The following TYR variants were observed in gnomAD, a reference collection of about 807,000 sequenced individuals.
The protein encoded by TYR is LB24-AB.
Under a neutral mutation model 51.5 loss-of-function variants are expected in TYR, and 58 were observed. The observed-to-expected ratio is 1.13, with a 90% CI of 0.91 to 1.40. TYR has a LOEUF of 1.40. Ranked by LOEUF, TYR falls within the 40% of genes most tolerant of loss-of-function variation. The pLI is 0.00. For missense variants in TYR, 732 were observed against 647.4 expected, an observed-to-expected ratio of 1.13 and a Z score of -1.42; for synonymous variants, 263 against 235.2, an observed-to-expected ratio of 1.12 and a Z score of -1.08.
intron 4 of TYR, among the ~76,000 whole-genome samples, chr11:89,290,540 AT>A (rs1944842799): frequency 6.6e-6 from 1 of 152,086 alleles, no homozygotes; most frequent in African/African-American, 2.4e-5. Flanking sequence ...TAAGCTAAGT[AT>A]TGTAGTCCCA....
chr11:89,194,841 T>G (rs952639046), intron 2 of TYR, among the ~76,000 whole-genome samples: 1 of 152,184 alleles, frequency 6.6e-6, no homozygotes, highest in Non-Finnish European at 1.5e-5. Flanking sequence ...ATATACACAT[T>G]TTTTAAAACA....
intron 3 of TYR, among the ~76,000 whole-genome samples, chr11:89,259,225 C>T (rs1399244748): frequency 6.6e-6 from 1 of 152,086 alleles, no homozygotes; most frequent in Non-Finnish European, 1.5e-5. Context: ...TAGCACTCTC[C>T]TAATCTCTTT....
rs761093249 is a variant in TYR, at chr11:89,177,981, C to T, written c.28C>T (p.Leu10=). The change falls in exon 1 of 5, where the codon CTG becomes TTG. Residue 10 remains leucine, a synonymous_variant. Transcript: ENST00000263321. MLLAVLYCL[L]WSFQTSAGHF... ...GCTCCTGGCTGTTTTGTACTGCCTG[C>T]TGTGGAGTTTCCAGACCTCCGCTGG... 6.2e-7 allele frequency: 1 copy of T among 1,614,174 alleles called. No individual in the cohort carries two copies. Among genetic ancestry groups the T allele is most frequent in the South Asian group, 1.1e-5 (1 of 91,090 alleles).
chr11:89,198,073 G>C (rs1009678623), intron 2 of TYR, among the ~76,000 whole-genome samples: 2 of 152,062 alleles, frequency 1.3e-5, no homozygotes, highest in Admixed American at 6.6e-5. Context: ...AACAAGGGAA[G>C]TTTTGAAATT....
At chr11:89,191,825 T>G (rs1203060028) in intron 2 of TYR, among the ~76,000 whole-genome samples, 4 of 152,266 alleles carry the variant, frequency 2.6e-5, no homozygotes, top group African/African-American at 9.6e-5. Context: ...ATGAATATAT[T>G]CATCATGGTA....
At chr11:89,227,327 T>C (rs773608499) in intron 2 of TYR, among the ~76,000 whole-genome samples, 2 of 152,270 alleles carry the variant, frequency 1.3e-5, no homozygotes, top group African/African-American at 4.8e-5. Context: ...ATGAAAGATG[T>C]TCCTGTGAAA....
At chr11:89,214,982 G>T (rs1943813492) in intron 2 of TYR, among the ~76,000 whole-genome samples, 1 of 151,994 alleles carries the variant, frequency 6.6e-6, no homozygotes, top group Non-Finnish European at 1.5e-5. Flanking sequence ...GCCATCTAAA[G>T]TTACAGCTTT....
At chr11:89,243,170 G>A (rs1944222298) in intron 3 of TYR, among the ~76,000 whole-genome samples, 1 of 152,084 alleles carries the variant, frequency 6.6e-6, no homozygotes, top group Non-Finnish European at 1.5e-5. Flanking sequence ...TGCTTTATTG[G>A]GGTTTAGAGG....
intron 3 of TYR, among the ~76,000 whole-genome samples, chr11:89,262,164 T>G (rs1944464041): frequency 6.6e-6 from 1 of 152,074 alleles, no homozygotes; most frequent in Admixed American, 6.6e-5. Context: ...GTTCAAGTGA[T>G]TCTCCTGCCT....
chr11:89,233,627 A>G lies in TYR; in HGVS notation c.1184+5657A>G, dbSNP rs1200663832. ...CTCTGATCCATGGGCTGCAACATAG[A>G]TACGTGTTAGCAGGCATGAAAACAG... On this transcript the variant is annotated intron_variant, in intron 3 of 4. Coordinates refer to ENST00000263321, the MANE Select transcript of TYR (RefSeq NM_000372.5). Among the ~76,000 whole-genome samples the G allele has an allele frequency of 4.9e-5, 7 of 141,994 alleles. 1 individual carries two copies. Among genetic ancestry groups the G allele is most frequent in the Non-Finnish European group, 7.5e-5 (5 of 66,402 alleles). 93.2% of individuals were successfully genotyped at this position (141,994 alleles called of 152,430 possible).
intron 4 of TYR, among the ~76,000 whole-genome samples, chr11:89,289,184 T>G (rs1467186555): frequency 6.6e-6 from 1 of 152,068 alleles, no homozygotes; most frequent in Non-Finnish European, 1.5e-5. Context: ...AGAAAAACTC[T>G]GTTGAGAGCT....
chr11:89,270,013 A>T (rs1335333955), intron 3 of TYR, among the ~76,000 whole-genome samples: 3 of 151,876 alleles, frequency 2.0e-5, no homozygotes, highest in Non-Finnish European at 2.9e-5. Context: ...ATTATACCGT[A>T]ACTAGGCACG....
intron 3 of TYR, among the ~76,000 whole-genome samples, chr11:89,262,847 C>G (rs188268964): frequency 5.2e-5 from 1 of 19,294 alleles, no homozygotes; most frequent in African/African-American, 3.0e-4. Context: ...GCTACTCATC[C>G]AAAAAAAAAA....
intron 3 of TYR, among the ~76,000 whole-genome samples, chr11:89,237,724 ACAT>A (rs1172469673): frequency 6.6e-6 from 1 of 152,126 alleles, no homozygotes; most frequent in African/African-American, 2.4e-5. Context: ...TCTGTGAAAA[ACAT>A]CATTAGAATT....
At position 89,178,517 on chromosome 11, in the gene TYR, G is replaced by T. The variant is rs112267653; in HGVS notation, c.564G>T (p.Leu188=). The T allele has an allele frequency of 1.2e-6, 2 of 1,614,158 alleles. No individual in the cohort carries two copies. The highest frequency in any genetic ancestry group is 1.7e-6 in the Non-Finnish European group (2 of 1,180,014). The stretch of plus-strand genomic sequence containing the variant: ...ATTATTATGTGTCAATGGATGCACT[G>T]CTTGGGGGATCTGAAATCTGGAGAG... ...WMHYYVSMDA[L]LGGSEIWRDI... Residue 188 remains leucine, a synonymous_variant, in exon 1 of 5, where the codon CTG becomes CTT. Coordinates refer to ENST00000263321, the MANE Select transcript of TYR (RefSeq NM_000372.5).
chr11:89,182,708 ATAGT>A (rs1943317811), intron 1 of TYR, among the ~76,000 whole-genome samples: 1 of 152,148 alleles, frequency 6.6e-6, no homozygotes, highest in African/African-American at 2.4e-5. Context: ...ATCAATTAAA[ATAGT>A]TCATTATATT....
At chr11:89,266,118 T>A (rs1310203714) in intron 3 of TYR, among the ~76,000 whole-genome samples, 1 of 152,018 alleles carries the variant, frequency 6.6e-6, no homozygotes, top group Non-Finnish European at 1.5e-5. Context: ...CAGCTTCAGT[T>A]GAATTTGCTC....
intron 3 of TYR, among the ~76,000 whole-genome samples, chr11:89,265,452 C>G (rs1944514381): frequency 6.6e-6 from 1 of 152,064 alleles, no homozygotes; most frequent in Non-Finnish European, 1.5e-5. Context: ...TTTTTCTTAA[C>G]TGGGCCTTTC....
chr11:89,245,670 C>T (rs1454625528), intron 3 of TYR, among the ~76,000 whole-genome samples: 2 of 152,106 alleles, frequency 1.3e-5, no homozygotes, highest in Non-Finnish European at 1.5e-5. Context: ...CGCCTGTAAT[C>T]CCAGCACTTT....
Sources: gnomAD v4.1 joint callset for allele counts (sites outside exome capture counted in the v4.1 genomes callset) on GRCh38, gnomAD v4.1.1 for gene constraint, MANE v1.5 for transcripts, NCBI Gene and HGNC (gene_info 2026-07-23, HGNC 2026-07-21) for gene names.